LY6G5B: variants seen among roughly 807,000 people sequenced by gnomAD.
The protein encoded by LY6G5B is lymphocyte antigen 6 complex locus protein G5b.
In LY6G5B, 6 loss-of-function variants were observed where a neutral mutation model predicts 6.7. The observed-to-expected ratio is 0.89, with a 90% CI of 0.49 to 1.76. LY6G5B has a LOEUF of 1.76. LY6G5B is among the 40% of genes most tolerant of loss of function. The pLI is 0.01. For synonymous variants in LY6G5B, 98 were observed against 99.4 expected, an observed-to-expected ratio of 0.99 and a Z score of 0.09; for missense variants, 240 against 249.5, an observed-to-expected ratio of 0.96 and a Z score of 0.26.
chr6:31,672,188 C>T, exon 3 of LY6G5B: 1 of 1,613,142 alleles, frequency 6.2e-7, no homozygotes, highest in Non-Finnish European at 8.5e-7. Flanking sequence ...CTGGGCTTGT[C>T]TTTTGCTGAG....
In LY6G5B at chr6:31,670,980, G is replaced by A; in HGVS notation, c.30G>A (p.Leu10=). The A allele has an allele frequency of 3.1e-6, 5 of 1,612,486 alleles. No homozygotes were observed. In the South Asian group the frequency reaches 5.5e-5, roughly 18 times the overall value. Residue 10 remains leucine, a synonymous_variant, in exon 1 of 3, where the codon CTG becomes CTA. Transcript: ENST00000375864. ...AGGTCCATATGCTTGTAGGTGTGCT[G>A]GTCATGGTGGGCTTCACAGTAGGAA...
exon 3 of LY6G5B, chr6:31,672,157 A>G (rs1344164529): frequency 6.2e-7 from 1 of 1,612,906 alleles, no homozygotes; most frequent in Non-Finnish European, 8.5e-7. Flanking sequence ...CCTGGACCCC[A>G]TGGTCACACT....
chr6:31,672,274 C>T, exon 3 of LY6G5B: 2 of 1,611,722 alleles, frequency 1.2e-6, no homozygotes, highest in Middle Eastern at 1.7e-4. Flanking sequence ...GACACCTCAC[C>T]CTTCCTGAAT....
chr6:31,671,953 T>A (rs1376124654), exon 3 of LY6G5B: 1 of 1,613,000 alleles, frequency 6.2e-7, no homozygotes, highest in Non-Finnish European at 8.5e-7. Context: ...TGCAGAGTAC[T>A]GGTATCAGGC....
At chr6:31,672,913 C>T (rs1802335039) in exon 3 of LY6G5B, 1 of 153,752 alleles carries the variant, frequency 6.5e-6, no homozygotes, top group South Asian at 2.0e-4. Context: ...ACATCTAGCT[C>T]TGTTTCCCCT....
chr6:31,672,307 G>C (rs776063899), exon 3 of LY6G5B: 2 of 1,595,864 alleles, frequency 1.3e-6, no homozygotes, highest in South Asian at 2.3e-5. Context: ...ATATCTTTCT[G>C]TAACACCCTC....
In LY6G5B at chr6:31,670,179, T is replaced by G. The variant is rs1317317872; in HGVS notation, c.-772T>G. The G allele has an allele frequency of 2.0e-6, 1 of 510,270 alleles. No homozygotes were observed. The highest frequency in any genetic ancestry group is 3.4e-6 in the Non-Finnish European group (1 of 290,336). 31.6% of individuals were successfully genotyped at this position (510,270 alleles called of 1,614,324 possible). A position where few individuals can be genotyped will look rare whatever the true frequency, so the allele number is the denominator to read the frequency against. On this transcript the variant is annotated 5_prime_UTR_variant, in exon 1 of 3. It adds an upstream start codon to the 5' untranslated region. Coordinates refer to ENST00000375864, the Ensembl canonical transcript of LY6G5B. ...CCCCAGATTGAAAACCAGGACAGAT[T>G]TGTGCTCAGTGGATTGGGTGGTGTT...
exon 3 of LY6G5B, chr6:31,672,364 CTG>C: frequency 6.9e-7 from 1 of 1,443,810 alleles, no homozygotes; most frequent in South Asian, 1.3e-5. Flanking sequence ...TCTTTGGTCA[CTG>C]TGATTTCTTA....
chr6:31,670,257 G>T, exon 1 of LY6G5B: 1 of 330,098 alleles, frequency 3.0e-6, no homozygotes, highest in East Asian at 5.0e-5. Flanking sequence ...GAAATGCAAG[G>T]TCAAAAGGAA....
rs1272434192 is a variant in LY6G5B at position 31,671,037 on chromosome 6, G to A, written c.58+29G>A. 1.9e-6 allele frequency: 3 copies of A among 1,610,338 alleles called. No individual in the cohort carries two copies. The East Asian group carries it at 6.7e-5, about 36-fold the overall frequency. On this transcript the variant is annotated intron_variant, in intron 1 of 2. Coordinates refer to ENST00000375864, the Ensembl canonical transcript of LY6G5B. ...AGTGGGGCCCAGGGGCAGGGAGGGA[G>A]GAAGGGGTAACTGAGTCCAGGAAGG...
chr6:31,671,333 G>A, intron 2 of LY6G5B, 49 bp downstream of exon 2: 1 of 1,610,388 alleles, frequency 6.2e-7, no homozygotes, highest in Non-Finnish European at 8.5e-7. Flanking sequence ...CCAATGGCTT[G>A]GTCTTCTCTC....
intron 2 of LY6G5B, 35 bp downstream of exon 2, chr6:31,671,319 G>A (rs530012687): frequency 2.0e-5 from 33 of 1,611,638 alleles, no homozygotes; most frequent in African/African-American, 6.7e-5. Context: ...TGCTGGTGGG[G>A]CAGCCAATGG....
chr6:31,671,683 A>G (rs1178558306), intron 2 of LY6G5B, among the ~76,000 whole-genome samples, 181 bp from the exon 3 acceptor site: 1 of 152,010 alleles, frequency 6.6e-6, no homozygotes, highest in Admixed American at 6.6e-5. Context: ...AACCAGAAGA[A>G]TCTTGGAAGG....
In LY6G5B at chr6:31,671,858, C is replaced by T. The variant is rs766861187; in HGVS notation, c.188-6C>T. Reference sequence around the variant, plus strand: ...AAGGGGTTATCAGCTTTCCCCTCTCCCTCAGATGTCAAGGTTCGCTTCATC... The same window carrying T: ...AAGGGGTTATCAGCTTTCCCCTCTCTCTCAGATGTCAAGGTTCGCTTCATC... On this transcript the variant is annotated splice_polypyrimidine_tract_variant and splice_region_variant and intron_variant, in intron 2 of 2. Transcript: ENST00000375864. The T allele has an allele frequency of 3.7e-6, 6 of 1,601,944 alleles. No homozygotes were observed. The highest frequency in any genetic ancestry group is 5.1e-6 in the Non-Finnish European group (6 of 1,171,860).
At chr6:31,672,741 T>G (rs1266076) in exon 3 of LY6G5B, 72,600 of 165,214 alleles carry the variant, frequency 0.44, 16,754 homozygotes, top group African/African-American at 0.59. Context: ...ACTGTGCCTG[T>G]CTGAGCTCTG....
Position 31,671,565 on chromosome 6 carries a change from G to A in LY6G5B, c.187+281G>A, listed in dbSNP as rs546656960. Among the ~76,000 whole-genome samples, 21 of 152,272 alleles carry A rather than the reference G, an allele frequency of 1.4e-4. No homozygotes were observed. In the East Asian group the frequency reaches 3.3e-3, roughly 24 times the overall value. ...CACCTGTAGTCCCAGCTACTCGGGA[G>A]GCTGAGGTGGGAGATCTCTTAAACT... On this transcript the variant is annotated intron_variant, in intron 2 of 2. Transcript: ENST00000375864.
chr6:31,672,047 T>C, exon 3 of LY6G5B: 1 of 1,613,082 alleles, frequency 6.2e-7, no homozygotes, highest in Non-Finnish European at 8.5e-7. Context: ...GACAGGCCCC[T>C]GGCCCTGCCT....
exon 3 of LY6G5B, chr6:31,672,116 C>T: frequency 6.2e-7 from 1 of 1,613,134 alleles, no homozygotes; most frequent in African/African-American, 1.3e-5. Flanking sequence ...CTGCCCCTCC[C>T]CAATTTCCAT....
At chr6:31,672,241 G>T in exon 3 of LY6G5B, 1 of 1,613,094 alleles carries the variant, frequency 6.2e-7, no homozygotes, top group African/African-American at 1.3e-5. Context: ...AGGACTTTTG[G>T]TTCTTCCCCA....
Sources: gnomAD v4.1 joint callset for allele counts (sites outside exome capture counted in the v4.1 genomes callset) on GRCh38, gnomAD v4.1.1 for gene constraint, MANE v1.5 for transcripts, NCBI Gene and HGNC (gene_info 2026-07-23, HGNC 2026-07-21) for gene names.